RBM15B: variants seen among roughly 807,000 people sequenced by gnomAD.
RBM15B encodes the protein putative RNA-binding protein 15B.
Under a neutral mutation model 53.3 loss-of-function variants are expected in RBM15B, and 11 were observed. That is an observed-to-expected ratio of 0.21 (90% CI 0.13 to 0.34). The LOEUF (loss-of-function observed/expected upper bound fraction) is 0.34. Among genes scored for constraint, RBM15B ranks in the 10% least tolerant of loss-of-function variants. RBM15B has a pLI of 1.00. For synonymous variants in RBM15B, 631 were observed against 540.7 expected, an observed-to-expected ratio of 1.17 and a Z score of -2.32; for missense variants, 1,136 against 1,250.3, an observed-to-expected ratio of 0.91 and a Z score of 1.38.
Position 51,394,899 on chromosome 3 carries a change from CCTCA to C in RBM15B, c.*832_*835del, listed in dbSNP as rs1188957850. ...GCTCCTGGTTCGGCCTACTTTCTAG[CCTCA>C]CTCAGCCCAGGGATAGCCAGTGTTG... On this transcript the variant is annotated 3_prime_UTR_variant, in exon 1 of 1. Transcript: ENST00000563281. The C allele has an allele frequency of 2.4e-5, 4 of 167,218 alleles. No individual in the cohort carries two copies. Among genetic ancestry groups the C allele is most frequent in the African/African-American group, 7.2e-5 (3 of 41,450 alleles). The allele number at this position is 167,218 out of a possible 1,614,324, so 10.4% of individuals were successfully genotyped here.
In RBM15B at chr3:51,393,377, G is replaced by C. The variant is rs1303568254; in HGVS notation, c.1978G>C (p.Ala660Pro). The C allele has an allele frequency of 1.9e-6, 3 of 1,613,338 alleles. No homozygotes were observed. The highest frequency in any genetic ancestry group is 1.6e-4 in the Middle Eastern group (1 of 6,084). Residue 660 changes from alanine to proline, a missense_variant, in exon 1 of 1, where the codon GCT (alanine) becomes CCT (proline). This residue lies in a region of RBM15B where 578 missense variants were observed against 581.6 expected (regional missense o/e 0.99). Transcript: ENST00000563281. This position sits in a 1 kb window ranked among gnomAD's most constrained non-coding sequence, Gnocchi z 5.6. ...SNSLSNSRHGAEERGHHHHHH... is the reference protein window; with the variant it reads ...SNSLSNSRHGPEERGHHHHHH... Reference sequence around the variant, plus strand: ...CTCCCTCAGCAACAGCAGACATGGGGCTGAGGAACGGGGCCACCACCACCA... The same window carrying C: ...CTCCCTCAGCAACAGCAGACATGGGCCTGAGGAACGGGGCCACCACCACCA...
chr3:51,391,650 G>T lies in RBM15B; in HGVS notation c.251G>T (p.Arg84Leu). 1 of 1,197,316 alleles carries T rather than the reference G, an allele frequency of 8.4e-7. No homozygotes were observed. Among genetic ancestry groups the T allele is most frequent in the Non-Finnish European group, 1.0e-6 (1 of 966,382 alleles). The allele number at this position is 1,197,316 out of a possible 1,614,324, so 74.2% of individuals were successfully genotyped here. The change falls in exon 1 of 1, where the codon CGC becomes CTC. Residue 84 changes from arginine (R) to leucine (L), a missense_variant. Transcript: ENST00000563281. This position sits in a 1 kb window ranked among gnomAD's most constrained non-coding sequence, Gnocchi z 4.5. ...GCGAATCACCGCGCGAGTAGCGGGC[G>T]CTCCTCGGGCTCCGGCGCTGGCGGC... ...GDANHRASSG[R>L]SSGSGAGGGG...
In RBM15B at chr3:51,392,083, A is replaced by T. The variant is rs1327539313; in HGVS notation, c.684A>T (p.Arg228=). The T allele has an allele frequency of 3.9e-6, 6 of 1,555,370 alleles. No individual in the cohort carries two copies. In the African/African-American group the frequency reaches 5.5e-5, roughly 14 times the overall value. The stretch of plus-strand genomic sequence containing the variant: ...GTGGCGGCGGCGGGAGCAGTCGGCG[A>T]AGTAGCAGCAGCAGCGCCGCCGCTT... ...YLRGGGGSSR[R]SSSSSAAAST... is the part of the protein sequence containing the mutation. The change falls in exon 1 of 1, where the codon CGA becomes CGT. Residue 228 remains arginine (R), a synonymous_variant. Coordinates refer to ENST00000563281, the MANE Select transcript of RBM15B (RefSeq NM_013286.5). This position sits in a 1 kb window ranked among gnomAD's most constrained non-coding sequence, Gnocchi z 7.5.
rs1468876478 is a variant in RBM15B, at chr3:51,397,731, C to G, written c.*3659C>G. On this transcript the variant is annotated 3_prime_UTR_variant, in exon 1 of 1. Coordinates refer to ENST00000563281, the MANE Select transcript of RBM15B (RefSeq NM_013286.5). ...TCCTCCCTGGAGTGCTCTATGTGGG[C>G]AGAACATGCTCTCCTTGCCTCTCCT... is the stretch of plus-strand genomic sequence containing the variant. 1 of 167,078 alleles carries G rather than the reference C, an allele frequency of 6.0e-6. No individual in the cohort carries two copies. Among genetic ancestry groups the G allele is most frequent in the African/African-American group, 2.4e-5 (1 of 41,424 alleles). The allele number at this position is 167,078 out of a possible 1,614,324, so 10.3% of individuals were successfully genotyped here.
At position 51,392,710 on chromosome 3, in the gene RBM15B, G is replaced by A. The variant is rs2106640816; in HGVS notation, c.1311G>A (p.Glu437=). The A allele has an allele frequency of 6.2e-7, 1 of 1,614,192 alleles. No individual in the cohort carries two copies. Among genetic ancestry groups the A allele is most frequent in the Non-Finnish European group, 8.5e-7 (1 of 1,180,050 alleles). ...CGTCACTGGCGGCTCTGGCCCGAGAGTTTGACCGCTTTGGGAGCATTCGGA... is the reference window on the plus strand; with the variant it reads ...CGTCACTGGCGGCTCTGGCCCGAGAATTTGACCGCTTTGGGAGCATTCGGA... ...PNTSLAALAR[E]FDRFGSIRTI... is the part of the protein sequence containing the mutation. The change falls in exon 1 of 1, where the codon GAG becomes GAA. Residue 437 remains glutamate (E), a synonymous_variant. Transcript: ENST00000563281. This position sits in a 1 kb window ranked among gnomAD's most constrained non-coding sequence, Gnocchi z 7.5.
In RBM15B at chr3:51,393,206, C is replaced by T. The variant is rs781791450; in HGVS notation, c.1807C>T (p.Arg603Cys). Residue 603 changes from arginine (R) to cysteine (C), a missense_variant, in exon 1 of 1, where the codon CGT becomes TGT. Physicochemically the swap from Arg to Cys is radical, Grantham distance 180. Coordinates refer to ENST00000563281, the MANE Select transcript of RBM15B (RefSeq NM_013286.5). The surrounding 1 kb of genome is among the most constrained non-coding windows in gnomAD (Gnocchi z 5.6). Reference sequence around the variant, plus strand: ...GAAACGGAGAAGCCTTTCCAGTGACCGTGGGAGGACAACCCATTCACCATA... The same window carrying T: ...GAAACGGAGAAGCCTTTCCAGTGACTGTGGGAGGACAACCCATTCACCATA... ...RRKRRSLSSD[R>C]GRTTHSPYEE... 5.6e-6 allele frequency: 9 copies of T among 1,613,846 alleles called. No homozygotes were observed. The highest frequency in any genetic ancestry group is 7.6e-6 in the Non-Finnish European group (9 of 1,179,860).
At position 51,391,358 on chromosome 3, in the gene RBM15B, CTG is replaced by C; in HGVS notation, c.-39_-38del. ...TCGGCCGCCGCCTCCGCCGCCGCCG[CTG>C]TGAGAAACCTACGGGCCGCCCGCCC... On this transcript the variant is annotated 5_prime_UTR_variant, in exon 1 of 1. The change abolishes the stop of an existing upstream ORF in the 5' untranslated region. Transcript: ENST00000563281. This position sits in a 1 kb window ranked among gnomAD's most constrained non-coding sequence, Gnocchi z 4.5. 1 of 1,192,758 alleles carries C rather than the reference CTG, an allele frequency of 8.4e-7. No homozygotes were observed. The highest frequency in any genetic ancestry group is 1.0e-6 in the Non-Finnish European group (1 of 964,498). 73.9% of individuals were successfully genotyped at this position (1,192,758 alleles called of 1,614,324 possible). A position where few individuals can be genotyped will look rare whatever the true frequency, so the allele number is the denominator to read the frequency against.
rs782364322 is a variant in RBM15B, at chr3:51,392,949, A to G, written c.1550A>G (p.Tyr517Cys). 6.2e-7 allele frequency: 1 copy of G among 1,613,772 alleles called. No individual in the cohort carries two copies. ...PVHYELLTDG[Y>C]TRHRNLDADL... The stretch of plus-strand genomic sequence containing the variant: ...CATTATGAGCTGCTCACAGATGGAT[A>G]CACCCGGCACCGCAACCTGGACGCC... Residue 517 changes from tyrosine (Y) to cysteine (C), a missense_variant, in exon 1 of 1, where the codon TAC becomes TGC. By Grantham distance (194) the Tyr-to-Cys change is radical. Transcript: ENST00000563281. The surrounding 1 kb of genome is among the most constrained non-coding windows in gnomAD (Gnocchi z 7.5).
chr3:51,393,226 A>C lies in RBM15B; in HGVS notation c.1827A>C (p.Ser609=), dbSNP rs3804766. ...GTGACCGTGGGAGGACAACCCATTC[A>C]CCATATGAGGAACGGAGTAGGACCA... The part of the protein sequence containing the change: ...LSSDRGRTTH[S]PYEERSRTKG... Residue 609 remains serine, a synonymous_variant, in exon 1 of 1, where the codon TCA becomes TCC. Coordinates refer to ENST00000563281, the MANE Select transcript of RBM15B (RefSeq NM_013286.5). The surrounding 1 kb of genome is among the most constrained non-coding windows in gnomAD (Gnocchi z 5.6). The C allele has an allele frequency of 0.044, 71,399 of 1,613,642 alleles. 7,044 individuals carry two copies. The highest frequency in any genetic ancestry group is 0.33 in the East Asian group (14,687 of 44,854).
rs782729847 is a variant in RBM15B at position 51,392,015 on chromosome 3, C to T, written c.616C>T (p.Leu206=). The T allele has an allele frequency of 1.3e-6, 2 of 1,597,794 alleles. No homozygotes were observed. The highest frequency in any genetic ancestry group is 1.7e-6 in the Non-Finnish European group (2 of 1,178,032). ...CCAGCACGCCCTGGCCCGGCAGCTG[C>T]TGCTCTACGACCGCCCGCTCAAGGT... ...ARQHALARQL[L]LYDRPLKVEP... Residue 206 remains leucine, a synonymous_variant, in exon 1 of 1, where the codon CTG becomes TTG. Coordinates refer to ENST00000563281, the MANE Select transcript of RBM15B (RefSeq NM_013286.5). The surrounding 1 kb of genome is among the most constrained non-coding windows in gnomAD (Gnocchi z 7.5).
At position 51,394,248 on chromosome 3, in the gene RBM15B, ATTT is replaced by A; in HGVS notation, c.*185_*187del. 1.2e-6 allele frequency: 1 copy of A among 800,622 alleles called. No homozygotes were observed. The highest frequency in any genetic ancestry group is 6.5e-5 in the South Asian group (1 of 15,494). The allele number at this position is 800,622 out of a possible 1,614,324, so 49.6% of individuals were successfully genotyped here. The stretch of plus-strand genomic sequence containing the variant: ...AAACTAAGTTCTTAGATTTTGGGGG[ATTT>A]TTTTTTTTAAACGATGAGAAGGGAA... On this transcript the variant is annotated 3_prime_UTR_variant, in exon 1 of 1. Coordinates refer to ENST00000563281, the MANE Select transcript of RBM15B (RefSeq NM_013286.5).
chr3:51,392,732 C>G lies in RBM15B; in HGVS notation c.1333C>G (p.Arg445Gly), dbSNP rs1197815488. The G allele has an allele frequency of 6.2e-7, 1 of 1,614,164 alleles. No homozygotes were observed. Among genetic ancestry groups the G allele is most frequent in the Non-Finnish European group, 8.5e-7 (1 of 1,180,044 alleles). ...AGAGTTTGACCGCTTTGGGAGCATT[C>G]GGACCATTGATCACGTCAAAGGAGA... is the stretch of plus-strand genomic sequence containing the variant. ...AREFDRFGSI[R>G]TIDHVKGDSF... The change falls in exon 1 of 1, where the codon CGG becomes GGG. Residue 445 changes from arginine (R) to glycine (G), a missense_variant. By Grantham distance (125) the Arg-to-Gly change is moderately radical. This residue lies in a region of RBM15B where 45 missense variants were observed against 80.7 expected (regional missense o/e 0.56). Transcript: ENST00000563281. This position sits in a 1 kb window ranked among gnomAD's most constrained non-coding sequence, Gnocchi z 7.5.
rs2089262028 is a variant in RBM15B, at chr3:51,397,290, C to T, written c.*3218C>T. ...GTGAAAAGGTGGAAATCCCTGGTAC[C>T]TTGCCTGGTGGTTACACAGTTTAAC... On this transcript the variant is annotated 3_prime_UTR_variant, in exon 1 of 1. Transcript: ENST00000563281. 1 of 167,062 alleles carries T rather than the reference C, an allele frequency of 6.0e-6. No homozygotes were observed. Among genetic ancestry groups the T allele is most frequent in the Non-Finnish European group, 1.5e-5 (1 of 68,142 alleles). 10.3% of individuals were successfully genotyped at this position (167,062 alleles called of 1,614,324 possible). A position where few individuals can be genotyped will look rare whatever the true frequency, so the allele number is the denominator to read the frequency against.
In RBM15B at chr3:51,395,793, AC is replaced by A; in HGVS notation, c.*1725del. On this transcript the variant is annotated 3_prime_UTR_variant, in exon 1 of 1. Transcript: ENST00000563281. ...GGAACACTTGGCAGTGCTCTCGTAG[AC>A]CCCTCGGTGATGTGGAATGGACAGG... The A allele has an allele frequency of 4.8e-6, 2 of 413,428 alleles. No individual in the cohort carries two copies. Among genetic ancestry groups the A allele is most frequent in the Non-Finnish European group, 8.8e-6 (2 of 226,130 alleles). 25.6% of individuals were successfully genotyped at this position (413,428 alleles called of 1,614,324 possible).
Position 51,393,843 on chromosome 3 carries a change from G to A in RBM15B, c.2444G>A (p.Gly815Asp). Reference protein sequence around the residue: ...GTEGMPTVEPGLQRRLLRNLV... With the variant: ...GTEGMPTVEPDLQRRLLRNLV... ...GAGGGGATGCCCACAGTAGAGCCCG[G>A]TCTGCAGAGGCGGCTTCTCAGGAAC... The change falls in exon 1 of 1, where the codon GGT becomes GAT. Residue 815 changes from glycine (G) to aspartate (D), a missense_variant. Coordinates refer to ENST00000563281, the MANE Select transcript of RBM15B (RefSeq NM_013286.5). The surrounding 1 kb of genome is among the most constrained non-coding windows in gnomAD (Gnocchi z 5.6). 2 of 1,600,232 alleles carry A rather than the reference G, an allele frequency of 1.2e-6. No homozygotes were observed. The highest frequency in any genetic ancestry group is 1.7e-6 in the Non-Finnish European group (2 of 1,174,692).
In RBM15B at chr3:51,393,409, C is replaced by CCAT; in HGVS notation, c.2010_2011insCAT (p.His670dup). On this transcript the variant is annotated inframe_insertion, in exon 1 of 1. Transcript: ENST00000563281. This position sits in a 1 kb window ranked among gnomAD's most constrained non-coding sequence, Gnocchi z 5.6. ...AACGGGGCCACCACCACCACCACCA[C>CCAT]GAGGCTGCAGACTCTTCCCACGGGA... The CCAT allele has an allele frequency of 6.2e-7, 1 of 1,613,726 alleles. No homozygotes were observed. The highest frequency in any genetic ancestry group is 8.5e-7 in the Non-Finnish European group (1 of 1,179,932).
At position 51,393,869 on chromosome 3, in the gene RBM15B, C is replaced by T; in HGVS notation, c.2470C>T (p.Leu824=). 6.3e-7 allele frequency: 1 copy of T among 1,583,022 alleles called. No individual in the cohort carries two copies. The highest frequency in any genetic ancestry group is 8.6e-7 in the Non-Finnish European group (1 of 1,166,414). Residue 824 remains leucine (L), a synonymous_variant, in exon 1 of 1, where the codon CTG becomes TTG. Transcript: ENST00000563281. This position sits in a 1 kb window ranked among gnomAD's most constrained non-coding sequence, Gnocchi z 5.6. ...TCTGCAGAGGCGGCTTCTCAGGAACCTGGTCTCCTACTTGAAACAGAAGCA... is the reference window on the plus strand; with the variant it reads ...TCTGCAGAGGCGGCTTCTCAGGAACTTGGTCTCCTACTTGAAACAGAAGCA... ...PGLQRRLLRN[L]VSYLKQKQAA...
At position 51,393,025 on chromosome 3, in the gene RBM15B, C is replaced by T; in HGVS notation, c.1626C>T (p.Asp542=). Reference sequence around the variant, plus strand: ...CACACCTTCTGTACTCAGACCGAGACCGGACTTTTTTGGAAGGGGACTGGA... The same window carrying T: ...CACACCTTCTGTACTCAGACCGAGATCGGACTTTTTTGGAAGGGGACTGGA... The part of the protein sequence containing the change: ...TPPHLLYSDR[D]RTFLEGDWTS... The change falls in exon 1 of 1, where the codon GAC becomes GAT. Residue 542 remains aspartate (D), a synonymous_variant. Transcript: ENST00000563281. The surrounding 1 kb of genome is among the most constrained non-coding windows in gnomAD (Gnocchi z 5.6). 1 of 1,613,838 alleles carries T rather than the reference C, an allele frequency of 6.2e-7. No homozygotes were observed. The highest frequency in any genetic ancestry group is 8.5e-7 in the Non-Finnish European group (1 of 1,180,008).
In RBM15B at chr3:51,392,509, G is replaced by A; in HGVS notation, c.1110G>A (p.Arg370=). 1.2e-6 allele frequency: 2 copies of A among 1,613,888 alleles called. No homozygotes were observed. Among genetic ancestry groups the A allele is most frequent in the Non-Finnish European group, 1.7e-6 (2 of 1,180,030 alleles). The change falls in exon 1 of 1, where the codon AGG becomes AGA. Residue 370 remains arginine, a synonymous_variant. Transcript: ENST00000563281. This position sits in a 1 kb window ranked among gnomAD's most constrained non-coding sequence, Gnocchi z 7.5. The part of the protein sequence containing the change: ...YGIIEEVVIK[R]PARGQGGAYA... Reference sequence around the variant, plus strand: ...TCATCGAGGAGGTGGTCATCAAGAGGCCTGCCCGTGGCCAGGGCGGTGCCT... The same window carrying A: ...TCATCGAGGAGGTGGTCATCAAGAGACCTGCCCGTGGCCAGGGCGGTGCCT...
Sources: allele counts gnomAD v4.1 joint callset, GRCh38; gene constraint gnomAD v4.1.1; regional missense constraint gnomAD v4.1.1; non-coding constraint Gnocchi (gnomAD v3.1); transcripts MANE v1.5; gene names NCBI Gene and HGNC (gene_info 2026-07-23, HGNC 2026-07-21).